Variants in IL6R observed in about 807,000 individuals in gnomAD.
IL6R encodes interleukin-6 receptor subunit alpha.
In IL6R, 38 loss-of-function variants were observed where a neutral mutation model predicts 48.3. The ratio of observed to expected loss-of-function variants is 0.79; its 90% CI spans 0.61 to 1.03. IL6R has a LOEUF of 1.03. IL6R is among the 50% of genes least tolerant of loss of function. The pLI, the probability that IL6R is intolerant of heterozygous loss-of-function variation, is 0.00. For synonymous variants in IL6R, 264 were observed against 256.2 expected (o/e 1.03, Z -0.29); for missense variants, 534 against 618.3 (o/e 0.86, Z 1.45).
intron 9 of IL6R, among the ~76,000 whole-genome samples, chr1:154,456,366 C>T (rs569425344): frequency 4.9e-4 from 75 of 151,974 alleles, no homozygotes; most frequent in African/African-American, 1.6e-3. Context: ...TCACTACGCC[C>T]GGCTAATTTT....
chr1:154,418,530 C>A, intron 1 of IL6R: 1 of 481,994 alleles, frequency 2.1e-6, no homozygotes, highest in Non-Finnish European at 2.7e-6. Context: ...AGCTAGTCAT[C>A]TGAGAAGAGG....
intron 6 of IL6R, among the ~76,000 whole-genome samples, chr1:154,442,302 A>G (rs1689981035): frequency 6.6e-6 from 1 of 152,158 alleles, no homozygotes; most frequent in Admixed American, 6.5e-5. Flanking sequence ...AGCTTCATGG[A>G]GGAGGTGACA....
intron 6 of IL6R, among the ~76,000 whole-genome samples, chr1:154,445,738 AGACTCG>A (rs1690187694): frequency 7.3e-6 from 1 of 136,930 alleles, no homozygotes. Flanking sequence ...CGACAGAGCG[AGACTCG>A]GTCTCAAAAA....
chr1:154,462,809 A>T (rs536796030), intron 9 of IL6R, among the ~76,000 whole-genome samples: 151 of 152,004 alleles, frequency 9.9e-4, no homozygotes, highest in African/African-American at 2.2e-3. Flanking sequence ...TTAATTAATT[A>T]ATTAATTTAT....
At chr1:154,412,411 A>G (rs1688077711) in intron 1 of IL6R, among the ~76,000 whole-genome samples, 1 of 151,744 alleles carries the variant, frequency 6.6e-6, no homozygotes, top group East Asian at 1.9e-4. Context: ...GCCTGCCACC[A>G]CACCCGGCTA....
chr1:154,417,633 G>T (rs903378941), intron 1 of IL6R, among the ~76,000 whole-genome samples: 1 of 151,904 alleles, frequency 6.6e-6, no homozygotes, highest in African/African-American at 2.4e-5. Context: ...GCAGTGGTGC[G>T]ATCTCGGCTC....
Position 154,466,301 on chromosome 1 carries a change from C to T in IL6R, c.*921C>T, listed in dbSNP as rs1408514486. ...GCTTCTGCCATTTCTGAGATCAAAA[C>T]GGTTTTACTGCAGCTTTGTTTGTTG... is the stretch of plus-strand genomic sequence containing the variant. On this transcript the variant is annotated 3_prime_UTR_variant, in exon 10 of 10. Transcript: ENST00000368485. 1.3e-5 allele frequency: 2 copies of T among 152,164 alleles called. No homozygotes were observed. The highest frequency in any genetic ancestry group is 2.9e-5 in the Non-Finnish European group (2 of 68,040). 9.4% of individuals were successfully genotyped at this position (152,164 alleles called of 1,614,324 possible).
intron 8 of IL6R, among the ~76,000 whole-genome samples, chr1:154,452,787 C>T (rs931465486): frequency 3.3e-5 from 5 of 150,066 alleles, no homozygotes; most frequent in South Asian, 2.1e-4. Context: ...GCCGAGACAG[C>T]GCCACTGAGC....
rs570808878 is a variant in IL6R, at chr1:154,416,101, G to A, written c.85+10387G>A. On this transcript the variant is annotated intron_variant, in intron 1 of 9. Transcript: ENST00000368485. ...GTCTCCCTATTCATGTGCCAGTATC[G>A]CACTGTTTTAATTATGTAGTTTTAT... Among the ~76,000 whole-genome samples the A allele has an allele frequency of 3.3e-5, 5 of 151,912 alleles. No individual in the cohort carries two copies. In the East Asian group the frequency reaches 5.8e-4, roughly 18 times the overall value.
chr1:154,452,895 T>C (rs185076907), intron 8 of IL6R, among the ~76,000 whole-genome samples: 2 of 151,926 alleles, frequency 1.3e-5, no homozygotes, highest in Admixed American at 1.3e-4. Context: ...AAAGAATATT[T>C]GTTGGATGAA....
intron 9 of IL6R, among the ~76,000 whole-genome samples, chr1:154,460,920 A>G (rs1321624410): frequency 6.6e-6 from 1 of 152,190 alleles, no homozygotes; most frequent in Non-Finnish European, 1.5e-5. Context: ...CGGGACCACT[A>G]CTATCAAGAT....
At chr1:154,447,514 C>T (rs373512802) in intron 6 of IL6R, among the ~76,000 whole-genome samples, 1,452 of 76,210 alleles carry the variant, frequency 0.019, 86 homozygotes, top group African/African-American at 0.049. Flanking sequence ...TATATATATA[C>T]ACACATACAT....
rs374321714 is a variant in IL6R, at chr1:154,469,212, T to C, written c.*3832T>C. On this transcript the variant is annotated 3_prime_UTR_variant, in exon 10 of 10. Transcript: ENST00000368485. ...GCTGTTAATTAACAGAGAGACCTTATTGGATGGAGATCACATCTGTTAAAT... is the reference window on the plus strand; with the variant it reads ...GCTGTTAATTAACAGAGAGACCTTACTGGATGGAGATCACATCTGTTAAAT... 2.0e-5 allele frequency: 3 copies of C among 152,342 alleles called. No homozygotes were observed. The highest frequency in any genetic ancestry group is 6.5e-5 in the Admixed American group (1 of 15,304). The allele number at this position is 152,342 out of a possible 1,614,324, so 9.4% of individuals were successfully genotyped here.
In IL6R at chr1:154,450,182, G is replaced by A. The variant is rs976557124; in HGVS notation, c.1066+202G>A. Among the ~76,000 whole-genome samples, 4 of 151,138 alleles carry A rather than the reference G, an allele frequency of 2.6e-5. No homozygotes were observed. In the South Asian group the frequency reaches 6.3e-4, roughly 24 times the overall value. ...GCTCGGTTGCCCAGGCTGGAGTGCC[G>A]TGGCATGATCTCGGCTCACCACAAC... On this transcript the variant is annotated intron_variant, in intron 8 of 9. Transcript: ENST00000368485.
In IL6R at chr1:154,429,425, T is replaced by C. The variant is rs751246387; in HGVS notation, c.315T>C (p.Thr105=). The C allele has an allele frequency of 3.2e-5, 51 of 1,611,376 alleles. No individual in the cohort carries two copies. The highest frequency in any genetic ancestry group is 5.0e-5 in the Admixed American group (3 of 59,938). The change falls in exon 2 of 10, where the codon ACT becomes ACC. Residue 105 remains threonine (T), a synonymous_variant. Transcript: ENST00000368485. The stretch of plus-strand genomic sequence containing the variant: ...ACCGGGCCGGCCGCCCAGCTGGGAC[T>C]GTGCACTTGCTGGTGGATGGTGAGT... ...SCYRAGRPAG[T]VHLLVDVPPE... is the part of the protein sequence containing the mutation.
At chr1:154,440,354 C>T (rs1030140138) in intron 6 of IL6R, among the ~76,000 whole-genome samples, 2 of 152,184 alleles carry the variant, frequency 1.3e-5, no homozygotes, top group Non-Finnish European at 2.9e-5. Flanking sequence ...CATAATGCTG[C>T]TATGAACACG....
chr1:154,435,871 T>G, intron 5 of IL6R, 98 bp from the exon 6 acceptor site: 1 of 1,100,654 alleles, frequency 9.1e-7, no homozygotes, highest in East Asian at 2.7e-5. Flanking sequence ...CTCTGCCAGC[T>G]GAAGCACAGG....
chr1:154,447,506 T>TAC (rs1158773933), intron 6 of IL6R, among the ~76,000 whole-genome samples: 1 of 67,256 alleles, frequency 1.5e-5, no homozygotes, highest in African/African-American at 7.6e-5. Flanking sequence ...CACACACATA[T>TAC]ATATATACAC....
At chr1:154,448,875 CTTTTTTTTTTTTTT>C (rs757221328) in intron 7 of IL6R, among the ~76,000 whole-genome samples, 1 of 73,330 alleles carries the variant, frequency 1.4e-5, no homozygotes, top group Non-Finnish European at 2.7e-5. Context: ...CTTGTAAGGG[CTTTTTTTTTTTTTT>C]TTTTTTTTTT....
Sources: allele counts gnomAD v4.1 joint callset (sites outside exome capture counted in the v4.1 genomes callset), GRCh38; gene constraint gnomAD v4.1.1; transcripts MANE v1.5; gene names NCBI Gene and HGNC (gene_info 2026-07-23, HGNC 2026-07-21).